PFN2: variants seen among roughly 807,000 people sequenced by gnomAD.
The protein encoded by PFN2 is profilin-2.
Under a neutral mutation model 15.3 loss-of-function variants are expected in PFN2, and 8 were observed. The observed-to-expected ratio is 0.52, with a 90% CI of 0.31 to 0.95. PFN2 has a LOEUF of 0.95. Among genes scored for constraint, PFN2 ranks in the 40% least tolerant of loss-of-function variants. PFN2 has a pLI of 0.05. For missense variants in PFN2, 111 were observed against 182.3 expected (o/e 0.61, Z 2.25); for synonymous variants, 79 against 67.9 (o/e 1.16, Z -0.81).
At chr3:149,970,062 A>G (rs527527457) in intron 1 of PFN2, among the ~76,000 whole-genome samples, 1 of 152,092 alleles carries the variant, frequency 6.6e-6, no homozygotes. Flanking sequence ...AAAAAAAAAA[A>G]AAACAACCTA....
rs988542063 is a variant in PFN2 at position 149,965,794 on chromosome 3, G to C, written c.*695C>G. 4 of 1,062,526 alleles carry C rather than the reference G, an allele frequency of 3.8e-6. No individual in the cohort carries two copies. In the African/African-American group the frequency reaches 6.7e-5, roughly 18 times the overall value. The allele number at this position is 1,062,526 out of a possible 1,614,324, so 65.8% of individuals were successfully genotyped here. ...ATGCGCTACAAAAGGAAGACTAAATGAGCCAAGTAAATGCTCAAAGTGCTG... is the reference window on the plus strand; with the variant it reads ...ATGCGCTACAAAAGGAAGACTAAATCAGCCAAGTAAATGCTCAAAGTGCTG... On this transcript the variant is annotated 3_prime_UTR_variant, in exon 3 of 3. Transcript: ENST00000239940.
chr3:149,967,426 C>T (rs1722724883), intron 2 of PFN2, among the ~76,000 whole-genome samples: 1 of 152,164 alleles, frequency 6.6e-6, no homozygotes, highest in African/African-American at 2.4e-5. Context: ...TCCTTATAAA[C>T]ATCAACTCAC....
rs12632341 is a variant in PFN2 at position 149,965,854 on chromosome 3, C to G, written c.*635G>C. 1.7e-6 allele frequency: 2 copies of G among 1,152,520 alleles called. No homozygotes were observed. Among genetic ancestry groups the G allele is most frequent in the African/African-American group, 3.2e-5 (2 of 62,276 alleles). 71.4% of individuals were successfully genotyped at this position (1,152,520 alleles called of 1,614,324 possible). ...TGATCAGAGATTGTACAACCGGCACCTTGCTTAATATTAACTTATTTTAGT... is the reference window on the plus strand; with the variant it reads ...TGATCAGAGATTGTACAACCGGCACGTTGCTTAATATTAACTTATTTTAGT... On this transcript the variant is annotated 3_prime_UTR_variant, in exon 3 of 3. Transcript: ENST00000239940.
In PFN2 at chr3:149,965,824, G is replaced by A. The variant is rs1722673983; in HGVS notation, c.*665C>T. 2 of 1,099,994 alleles carry A rather than the reference G, an allele frequency of 1.8e-6. No homozygotes were observed. Among genetic ancestry groups the A allele is most frequent in the South Asian group, 6.5e-5 (2 of 30,638 alleles). The allele number at this position is 1,099,994 out of a possible 1,614,324, so 68.1% of individuals were successfully genotyped here. On this transcript the variant is annotated 3_prime_UTR_variant, in exon 3 of 3. Coordinates refer to ENST00000239940, the MANE Select transcript of PFN2 (RefSeq NM_053024.4). The stretch of plus-strand genomic sequence containing the variant: ...AAGTAAATGCTCAAAGTGCTGAAAA[G>A]ACACTGATCAGAGATTGTACAACCG...
chr3:149,970,617 A>C, intron 1 of PFN2, 108 bp downstream of exon 1: 1 of 1,156,340 alleles, frequency 8.6e-7, no homozygotes, highest in Non-Finnish European at 1.1e-6. Flanking sequence ...TGCCTAGCAC[A>C]CCTGCGGGCT....
At position 149,965,026 on chromosome 3, in the gene PFN2, G is replaced by GA. The variant is rs1722643410; in HGVS notation, c.*1462dup. 1.9e-6 allele frequency: 1 copy of GA among 524,784 alleles called. No homozygotes were observed. The highest frequency in any genetic ancestry group is 1.9e-5 in the African/African-American group (1 of 51,742). The allele number at this position is 524,784 out of a possible 1,614,324, so 32.5% of individuals were successfully genotyped here. On this transcript the variant is annotated 3_prime_UTR_variant, in exon 3 of 3. Coordinates refer to ENST00000239940, the MANE Select transcript of PFN2 (RefSeq NM_053024.4). ...TATCCCAGATGTAACAAAGTGCAGG[G>GA]AAAGAAATGGACAAATCAGCAACAA...
chr3:149,967,567 C>T (rs1366022751), intron 2 of PFN2, among the ~76,000 whole-genome samples: 3 of 152,170 alleles, frequency 2.0e-5, no homozygotes, highest in African/African-American at 7.2e-5. Context: ...GCCAAGTCAG[C>T]TATGTGAGGC....
chr3:149,968,162 T>C (rs770191740), intron 2 of PFN2, 196 bp downstream of exon 2: 2 of 473,808 alleles, frequency 4.2e-6, no homozygotes, highest in Admixed American at 3.7e-5. Flanking sequence ...AGAAACAAAA[T>C]CAGGATCTAA....
At position 149,966,241 on chromosome 3, in the gene PFN2, CCT is replaced by C. The variant is rs1559985635; in HGVS notation, c.*246_*247del. The stretch of plus-strand genomic sequence containing the variant: ...TTAAGTGTGCCTCCGTGGACACCTT[CCT>C]TTCCCATGACTATAACCAATGCTGG... On this transcript the variant is annotated 3_prime_UTR_variant, in exon 3 of 3. Coordinates refer to ENST00000239940, the MANE Select transcript of PFN2 (RefSeq NM_053024.4). The C allele has an allele frequency of 6.2e-7, 1 of 1,613,636 alleles. No individual in the cohort carries two copies. The highest frequency in any genetic ancestry group is 1.1e-5 in the South Asian group (1 of 91,068).
At position 149,965,788 on chromosome 3, in the gene PFN2, C is replaced by T; in HGVS notation, c.*701G>A. On this transcript the variant is annotated 3_prime_UTR_variant, in exon 3 of 3. Transcript: ENST00000239940. ...CCAACCATGCGCTACAAAAGGAAGA[C>T]TAAATGAGCCAAGTAAATGCTCAAA... 9.4e-7 allele frequency: 1 copy of T among 1,060,680 alleles called. No individual in the cohort carries two copies. Among genetic ancestry groups the T allele is most frequent in the Non-Finnish European group, 1.1e-6 (1 of 878,058 alleles). 65.7% of individuals were successfully genotyped at this position (1,060,680 alleles called of 1,614,324 possible).
chr3:149,966,661 C>G (rs890304317), intron 2 of PFN2, 75 bp from the exon 3 acceptor site: 5 of 1,088,628 alleles, frequency 4.6e-6, no homozygotes, highest in Non-Finnish European at 7.0e-6. Context: ...GCAGACAGAA[C>G]CCGGATTAAT....
Position 149,969,169 on chromosome 3 carries a change from T to C in PFN2, c.133-619A>G, listed in dbSNP as rs562167561. Among the ~76,000 whole-genome samples, 275 of 152,288 alleles carry C rather than the reference T, an allele frequency of 1.8e-3. 1 individual carries two copies. Among genetic ancestry groups the C allele is most frequent in the African/African-American group, 6.2e-3 (259 of 41,552 alleles). On this transcript the variant is annotated intron_variant, in intron 1 of 2. Transcript: ENST00000239940. ...GCCACGACTCCCGTTTCTTTCCAAC[T>C]TCCCTTCCCCTCCCATCTCAGTAAT...
At chr3:149,966,675 T>C (rs1321850469) in intron 2 of PFN2, 89 bp from the exon 3 acceptor site, 2 of 984,224 alleles carry the variant, frequency 2.0e-6, no homozygotes, top group African/African-American at 3.2e-5. Context: ...GATTAATAAG[T>C]TAACATTAAG....
rs551475260 is a variant in PFN2 at position 149,965,890 on chromosome 3, C to T, written c.*599G>A. 2.4e-6 allele frequency: 3 copies of T among 1,251,108 alleles called. No individual in the cohort carries two copies. The highest frequency in any genetic ancestry group is 3.2e-4 in the Middle Eastern group (1 of 3,156). 77.5% of individuals were successfully genotyped at this position (1,251,108 alleles called of 1,614,324 possible). On this transcript the variant is annotated 3_prime_UTR_variant, in exon 3 of 3. Transcript: ENST00000239940. ...TTAACTTATTTTAGTAATCAATATC[C>T]CATTAATTGCTAAGACAAAGTGATG...
chr3:149,968,185 TA>T, intron 2 of PFN2, 172 bp downstream of exon 2: 1 of 551,690 alleles, frequency 1.8e-6, no homozygotes, highest in African/African-American at 1.9e-5. Context: ...GGCCAGGTCA[TA>T]GATGCTGTAG....
Position 149,964,932 on chromosome 3 carries a change from T to C in PFN2, c.*1557A>G. 9.2e-6 allele frequency: 3 copies of C among 324,794 alleles called. No homozygotes were observed. The highest frequency in any genetic ancestry group is 1.7e-5 in the Non-Finnish European group (3 of 178,540). The allele number at this position is 324,794 out of a possible 1,614,324, so 20.1% of individuals were successfully genotyped here. A position where few individuals can be genotyped will look rare whatever the true frequency, so the allele number is the denominator to read the frequency against. ...GGTTGGAATAAATTTATTTCATCTG[T>C]CTGTAAACAAGGTGTTTAATAGTTA... On this transcript the variant is annotated 3_prime_UTR_variant, in exon 3 of 3. Transcript: ENST00000239940.
intron 1 of PFN2, among the ~76,000 whole-genome samples, chr3:149,969,646 G>T (rs1007176617): frequency 6.6e-6 from 1 of 152,172 alleles, no homozygotes; most frequent in African/African-American, 2.4e-5. Flanking sequence ...GAATTTTGGT[G>T]CTTAATGGAA....
intron 1 of PFN2, chr3:149,970,476 C>CG: frequency 3.3e-6 from 1 of 299,218 alleles, no homozygotes; most frequent in Non-Finnish European, 6.1e-6. Context: ...CTGGGAACGC[C>CG]GGGGGCGCCC....
intron 1 of PFN2, among the ~76,000 whole-genome samples, chr3:149,970,189 C>T (rs984116606): frequency 6.6e-6 from 1 of 152,126 alleles, no homozygotes; most frequent in Non-Finnish European, 1.5e-5. Context: ...TCGAGAATCC[C>T]GGGGGCCGGG....
Sources: gnomAD v4.1 joint callset for allele counts (sites outside exome capture counted in the v4.1 genomes callset) on GRCh38, gnomAD v4.1.1 for gene constraint, MANE v1.5 for transcripts, NCBI Gene and HGNC (gene_info 2026-07-23, HGNC 2026-07-21) for gene names.